The following NBEA variants were observed in gnomAD, a reference collection of about 807,000 sequenced individuals.
NBEA encodes neurobeachin, also known as lysosomal-trafficking regulator 2.
In NBEA, 44 loss-of-function variants were observed where a neutral mutation model predicts 343.4. The observed-to-expected ratio is 0.13, with a 90% CI of 0.10 to 0.16. NBEA has a LOEUF of 0.16. Among genes scored for constraint, NBEA ranks in the 10% least tolerant of loss-of-function variants. NBEA has a pLI of 1.00. For missense variants in NBEA, 2,555 were observed against 3,631.3 expected (o/e 0.70, Z 7.62); for synonymous variants, 1,175 against 1,238.7 (o/e 0.95, Z 1.08).
chr13:35,449,375 G>T lies in NBEA; in HGVS notation c.6305-2717G>T, dbSNP rs543307340. ...GATGGCCTGAACTAGGGCAGTGGCA[G>T]TCACCATGCAGGATGAATTCCTAGG... On this transcript the variant is annotated intron_variant, in intron 39 of 58. Coordinates refer to ENST00000379939, the MANE Select transcript of NBEA (RefSeq NM_001385012.1). Among the ~76,000 whole-genome samples the T allele has an allele frequency of 2.6e-5, 4 of 152,340 alleles. No homozygotes were observed. The South Asian group carries it at 8.3e-4, about 32-fold the overall frequency.
At chr13:35,249,701 G>A (rs1175243498) in intron 34 of NBEA, among the ~76,000 whole-genome samples, 1 of 152,156 alleles carries the variant, frequency 6.6e-6, no homozygotes, top group Non-Finnish European at 1.5e-5. Flanking sequence ...ATTAACATAT[G>A]ATCTAGAAAT....
At chr13:34,974,154 C>G (rs2060089898) in intron 1 of NBEA, among the ~76,000 whole-genome samples, 1 of 152,162 alleles carries the variant, frequency 6.6e-6, no homozygotes, top group Admixed American at 6.5e-5. Context: ...GGGCCGTCAT[C>G]CTATCTGCTT....
At chr13:35,407,240 C>A (rs1049723956) in intron 38 of NBEA, among the ~76,000 whole-genome samples, 2 of 152,040 alleles carry the variant, frequency 1.3e-5, no homozygotes, top group South Asian at 4.1e-4. Context: ...GCTGGGATTA[C>A]AGGCATGAAC....
intron 48 of NBEA, among the ~76,000 whole-genome samples, chr13:35,624,878 T>G (rs2083152936): frequency 6.6e-6 from 1 of 152,110 alleles, no homozygotes; most frequent in African/African-American, 2.4e-5. Context: ...TGGGCTTCTA[T>G]GTAGATTATG....
chr13:35,041,523 G>C (rs992426192), intron 2 of NBEA, among the ~76,000 whole-genome samples: 1 of 151,810 alleles, frequency 6.6e-6, no homozygotes, highest in African/African-American at 2.4e-5. Context: ...TGTATAATGA[G>C]CATTTTACCA....
chr13:35,402,373 A>G (rs1201923637), intron 38 of NBEA, among the ~76,000 whole-genome samples: 1 of 152,182 alleles, frequency 6.6e-6, no homozygotes, highest in East Asian at 1.9e-4. Flanking sequence ...TATCCACATT[A>G]ATGAGAATTT....
chr13:35,291,714 T>C (rs1411786270), intron 35 of NBEA, among the ~76,000 whole-genome samples: 2 of 151,994 alleles, frequency 1.3e-5, no homozygotes, highest in African/African-American at 2.4e-5. Flanking sequence ...AAGAGGAATG[T>C]AGCATTAAGA....
At position 35,155,873 on chromosome 13, in the gene NBEA, C is replaced by G. The variant is rs1382690027; in HGVS notation, c.2527+18C>G. On this transcript the variant is annotated intron_variant, in intron 19 of 58. Transcript: ENST00000379939. The stretch of plus-strand genomic sequence containing the variant: ...GAATCCAAGTGAGCAAATGGCAGTT[C>G]TTTACTGTATTGTGGTAGGCGCATG... 2.5e-6 allele frequency: 4 copies of G among 1,596,032 alleles called. No homozygotes were observed. Among genetic ancestry groups the G allele is most frequent in the South Asian group, 2.2e-5 (2 of 90,626 alleles).
intron 1 of NBEA, among the ~76,000 whole-genome samples, chr13:34,981,051 A>C (rs1457561319): frequency 1.3e-5 from 2 of 152,168 alleles, no homozygotes; most frequent in African/African-American, 2.4e-5. Flanking sequence ...TACTCTCCAA[A>C]TAAATAATAT....
chr13:35,038,838 G>A (rs1362720412), intron 1 of NBEA, among the ~76,000 whole-genome samples: 1 of 152,082 alleles, frequency 6.6e-6, no homozygotes, highest in Non-Finnish European at 1.5e-5. Context: ...TTAGGGGAGG[G>A]GTGATGCCAG....
chr13:35,537,073 C>G (rs909309846), intron 41 of NBEA, among the ~76,000 whole-genome samples: 1 of 152,032 alleles, frequency 6.6e-6, no homozygotes, highest in African/African-American at 2.4e-5. Flanking sequence ...GGAATGGTTT[C>G]TGAGTAAGTA....
chr13:34,984,702 C>G (rs1358796823), intron 1 of NBEA, among the ~76,000 whole-genome samples: 2 of 150,970 alleles, frequency 1.3e-5, no homozygotes, highest in Non-Finnish European at 3.0e-5. Context: ...TTTGTGTTCT[C>G]TTTTATTTCG....
chr13:35,374,315 G>A (rs1268301088), intron 38 of NBEA, among the ~76,000 whole-genome samples: 1 of 152,044 alleles, frequency 6.6e-6, no homozygotes, highest in Non-Finnish European at 1.5e-5. Context: ...GTTAGATATG[G>A]GCAACATTCA....
chr13:35,504,742 G>A (rs2077010551), intron 41 of NBEA, among the ~76,000 whole-genome samples: 2 of 151,862 alleles, frequency 1.3e-5, no homozygotes, highest in South Asian at 4.2e-4. Flanking sequence ...AATCATAGCT[G>A]GGATTATAGG....
chr13:35,043,146 T>C (rs2062715838), intron 2 of NBEA, among the ~76,000 whole-genome samples: 1 of 151,802 alleles, frequency 6.6e-6, no homozygotes, highest in African/African-American at 2.4e-5. Context: ...TTTTTCTCTT[T>C]TAAAAATGAT....
At chr13:34,982,453 C>G (rs1280164670) in intron 1 of NBEA, among the ~76,000 whole-genome samples, 1 of 152,100 alleles carries the variant, frequency 6.6e-6, no homozygotes. Flanking sequence ...GCATCTGCCA[C>G]CATGCCCAGC....
intron 30 of NBEA, among the ~76,000 whole-genome samples, chr13:35,194,066 C>G (rs1047103650): frequency 3.3e-4 from 50 of 152,006 alleles, no homozygotes; most frequent in African/African-American, 1.2e-3. Flanking sequence ...CAACATTTTT[C>G]TGATGCTTAT....
intron 38 of NBEA, among the ~76,000 whole-genome samples, chr13:35,357,005 T>C (rs749951159): frequency 6.6e-6 from 1 of 152,194 alleles, no homozygotes; most frequent in Non-Finnish European, 1.5e-5. Context: ...TAATTTACTG[T>C]TTAACTATTT....
At chr13:35,062,083 A>G (rs2063487237) in intron 8 of NBEA, among the ~76,000 whole-genome samples, 1 of 151,766 alleles carries the variant, frequency 6.6e-6, no homozygotes, top group Non-Finnish European at 1.5e-5. Context: ...CAACACCAAG[A>G]TAACTCACAT....
Sources: gnomAD v4.1 joint callset for allele counts (sites outside exome capture counted in the v4.1 genomes callset) on GRCh38, gnomAD v4.1.1 for gene constraint, MANE v1.5 for transcripts, NCBI Gene and HGNC (gene_info 2026-07-23, HGNC 2026-07-21) for gene names.